SLC9A9: variants seen among roughly 807,000 people sequenced by gnomAD.
SLC9A9 encodes sodium/hydrogen exchanger 9.
SLC9A9 carries 62 observed loss-of-function variants against 77.8 expected under a neutral mutation model. The ratio of observed to expected loss-of-function variants is 0.80; its 90% CI spans 0.65 to 0.98. The LOEUF is 0.98. Among genes scored for constraint, SLC9A9 ranks in the 50% least tolerant of loss-of-function variants. SLC9A9 has a pLI of 0.00. For missense variants in SLC9A9, 775 were observed against 774.9 expected (o/e 1.00, Z 0.00); for synonymous variants, 320 against 283.5 (o/e 1.13, Z -1.29).
intron 14 of SLC9A9, among the ~76,000 whole-genome samples, chr3:143,302,205 G>A (rs974000246): frequency 6.6e-6 from 1 of 152,206 alleles, no homozygotes; most frequent in African/African-American, 2.4e-5. Context: ...GCTATGGTGG[G>A]TGGGGGATGC....
chr3:143,768,612 A>C (rs1000099306), intron 4 of SLC9A9, among the ~76,000 whole-genome samples: 3 of 152,238 alleles, frequency 2.0e-5, no homozygotes, highest in Admixed American at 6.5e-5. Context: ...ACAATAAGAC[A>C]CATAGATTAT....
intron 1 of SLC9A9, among the ~76,000 whole-genome samples, chr3:143,845,821 T>C (rs1294116423): frequency 1.3e-5 from 2 of 152,244 alleles, no homozygotes; most frequent in African/African-American, 4.8e-5. Context: ...AATACATATA[T>C]ATGCATATCT....
intron 5 of SLC9A9, among the ~76,000 whole-genome samples, chr3:143,672,079 T>C (rs1018685641): frequency 1.3e-5 from 2 of 152,186 alleles, no homozygotes; most frequent in African/African-American, 2.4e-5. Context: ...TAATATGGCA[T>C]AAAACCATCT....
chr3:143,331,386 A>G (rs1050860549), intron 14 of SLC9A9, among the ~76,000 whole-genome samples: 1 of 152,164 alleles, frequency 6.6e-6, no homozygotes, highest in African/African-American at 2.4e-5. Context: ...TTACTAATAG[A>G]CCTTTTACAA....
intron 6 of SLC9A9, among the ~76,000 whole-genome samples, chr3:143,639,158 G>A (rs1335801417): frequency 6.6e-6 from 1 of 152,136 alleles, no homozygotes; most frequent in Non-Finnish European, 1.5e-5. Context: ...TTGTCTTTTT[G>A]TTTAGCTGCA....
chr3:143,780,303 G>A lies in SLC9A9; in HGVS notation c.533+14698C>T, dbSNP rs576325500. Reference sequence around the variant, plus strand: ...GACCAGATAGCCCAATTAGTAAAAGGTGATGACGTGGTGGTTAGTATTTGG... The same window carrying A: ...GACCAGATAGCCCAATTAGTAAAAGATGATGACGTGGTGGTTAGTATTTGG... On this transcript the variant is annotated intron_variant, in intron 4 of 15. Coordinates refer to ENST00000316549, the MANE Select transcript of SLC9A9 (RefSeq NM_173653.4). Among the ~76,000 whole-genome samples the A allele has an allele frequency of 4.6e-5, 7 of 152,282 alleles. No homozygotes were observed. In the East Asian group the frequency reaches 1.2e-3, roughly 25 times the overall value.
At chr3:143,278,528 A>G (rs1938119445) in intron 14 of SLC9A9, among the ~76,000 whole-genome samples, 1 of 152,188 alleles carries the variant, frequency 6.6e-6, no homozygotes, top group South Asian at 2.1e-4. Context: ...GCTAAATCCA[A>G]TATTTCTGAA....
chr3:143,565,393 A>C (rs1205054886), intron 8 of SLC9A9, among the ~76,000 whole-genome samples: 1 of 152,122 alleles, frequency 6.6e-6, no homozygotes, highest in Non-Finnish European at 1.5e-5. Flanking sequence ...CTTTTTCTCT[A>C]TGACTCCTGG....
chr3:143,389,406 A>T (rs950618587), intron 12 of SLC9A9, among the ~76,000 whole-genome samples: 1 of 152,190 alleles, frequency 6.6e-6, no homozygotes, highest in Admixed American at 6.5e-5. Flanking sequence ...AGCGGTGGTG[A>T]GGGCCATTGT....
chr3:143,612,181 A>G (rs2038034054), intron 6 of SLC9A9, among the ~76,000 whole-genome samples: 1 of 152,226 alleles, frequency 6.6e-6, no homozygotes, highest in South Asian at 2.1e-4. Flanking sequence ...TCACCTGCAC[A>G]GACAGTGATT....
chr3:143,831,698 A>G (rs1240544567), intron 2 of SLC9A9, among the ~76,000 whole-genome samples: 1 of 152,236 alleles, frequency 6.6e-6, no homozygotes, highest in Non-Finnish European at 1.5e-5. Context: ...CACATGTGTG[A>G]AAACTTGAAT....
chr3:143,384,580 C>T (rs932983362), intron 12 of SLC9A9, among the ~76,000 whole-genome samples: 7 of 152,188 alleles, frequency 4.6e-5, no homozygotes, highest in African/African-American at 1.7e-4. Flanking sequence ...GGAATCTTTT[C>T]TTTGCAGCAG....
chr3:143,397,265 G>A (rs1052971154), intron 12 of SLC9A9, among the ~76,000 whole-genome samples: 51 of 152,172 alleles, frequency 3.4e-4, no homozygotes, highest in Non-Finnish European at 1.2e-4. Context: ...GCCCTGCCTG[G>A]GCAATTAGGG....
chr3:143,414,347 A>C (rs2034152704), intron 12 of SLC9A9, among the ~76,000 whole-genome samples: 1 of 152,204 alleles, frequency 6.6e-6, no homozygotes, highest in Non-Finnish European at 1.5e-5. Flanking sequence ...TGTGTGTACA[A>C]GCAAATCTTG....
intron 14 of SLC9A9, among the ~76,000 whole-genome samples, chr3:143,330,709 A>G (rs939124352): frequency 2.0e-5 from 3 of 152,222 alleles, no homozygotes; most frequent in African/African-American, 7.2e-5. Context: ...TCAATGGTGA[A>G]TTAACTATCC....
chr3:143,536,088 C>T (rs560855956), intron 9 of SLC9A9, among the ~76,000 whole-genome samples: 2 of 152,218 alleles, frequency 1.3e-5, no homozygotes, highest in South Asian at 4.2e-4. Flanking sequence ...AGCAAAGGTT[C>T]CTATAGATTC....
At chr3:143,346,118 C>T (rs573780044) in intron 14 of SLC9A9, among the ~76,000 whole-genome samples, 12 of 152,268 alleles carry the variant, frequency 7.9e-5, no homozygotes, top group Middle Eastern at 3.4e-3. Flanking sequence ...CACAGACAAA[C>T]CCAGCCTTAT....
intron 14 of SLC9A9, among the ~76,000 whole-genome samples, chr3:143,301,944 C>G (rs2030541323): frequency 6.6e-6 from 1 of 152,172 alleles, no homozygotes; most frequent in African/African-American, 2.4e-5. Flanking sequence ...CCAACCCTTG[C>G]AGAACTGCAG....
chr3:143,663,590 A>G (rs1057513505), intron 5 of SLC9A9, among the ~76,000 whole-genome samples: 1 of 152,234 alleles, frequency 6.6e-6, no homozygotes, highest in African/African-American at 2.4e-5. Context: ...ATGAATGGCT[A>G]ACTAGAATAA....
Sources: gnomAD v4.1 joint callset for allele counts (sites outside exome capture counted in the v4.1 genomes callset) on GRCh38, gnomAD v4.1.1 for gene constraint, MANE v1.5 for transcripts, NCBI Gene and HGNC (gene_info 2026-07-23, HGNC 2026-07-21) for gene names.